PCGF5: variants seen among roughly 807,000 people sequenced by gnomAD.
PCGF5 encodes polycomb group RING finger protein 5.
In PCGF5, 9 loss-of-function variants were observed where a neutral mutation model predicts 44.3. That is an observed-to-expected ratio of 0.20 (90% confidence interval 0.12 to 0.35). The LOEUF (loss-of-function observed/expected upper bound fraction) is 0.35. Ranked by LOEUF, PCGF5 falls within the 10% of genes least tolerant of loss-of-function variation. PCGF5 has a pLI of 1.00. For missense variants in PCGF5, 146 were observed against 305.3 expected (o/e 0.48, Z 3.89); for synonymous variants, 95 against 102.5 (o/e 0.93, Z 0.44).
chr10:91,247,529 A>C (rs186275469), intron 3 of PCGF5, among the ~76,000 whole-genome samples: 4 of 151,028 alleles, frequency 2.6e-5, no homozygotes, highest in African/African-American at 9.7e-5. Flanking sequence ...AGAAACCTCT[A>C]TGTGTTTGTA....
At chr10:91,181,593 C>T (rs963008881) in intron 1 of PCGF5, among the ~76,000 whole-genome samples, 1 of 152,142 alleles carries the variant, frequency 6.6e-6, no homozygotes, top group African/African-American at 2.4e-5. Flanking sequence ...TATTGAAAGC[C>T]TTTTCTGCAT....
intron 1 of PCGF5, among the ~76,000 whole-genome samples, chr10:91,177,131 A>G (rs1843721207): frequency 6.6e-6 from 1 of 151,890 alleles, no homozygotes; most frequent in Non-Finnish European, 1.5e-5. Context: ...AACAGTCAGG[A>G]CCCTCAGCTG....
chr10:91,246,158 A>T (rs1374153129), intron 3 of PCGF5, among the ~76,000 whole-genome samples: 2 of 152,212 alleles, frequency 1.3e-5, no homozygotes. Flanking sequence ...GCATCAAAGT[A>T]GTAAGTAATG....
chr10:91,160,372 T>C (rs1470195772), upstream of PCGF5, among the ~76,000 whole-genome samples: 3 of 152,178 alleles, frequency 2.0e-5, no homozygotes, highest in African/African-American at 4.8e-5. Flanking sequence ...CCGTCAGCAG[T>C]GTTGTTGGTG....
chr10:91,158,035 G>C (rs1488979389), upstream of PCGF5, among the ~76,000 whole-genome samples: 4 of 152,202 alleles, frequency 2.6e-5, no homozygotes, highest in Non-Finnish European at 5.9e-5. Context: ...TACTTTTTAA[G>C]ATTAAGACAA....
At chr10:91,197,950 A>C (rs773421619) in intron 1 of PCGF5, among the ~76,000 whole-genome samples, 2 of 152,218 alleles carry the variant, frequency 1.3e-5, no homozygotes, top group Non-Finnish European at 2.9e-5. Context: ...CATTCAATAA[A>C]TATTGATTAT....
intron 1 of PCGF5, among the ~76,000 whole-genome samples, chr10:91,166,544 GT>G (rs200571872): frequency 2.0e-5 from 3 of 151,602 alleles, no homozygotes; most frequent in East Asian, 1.9e-4. Flanking sequence ...TATGCCTCCA[GT>G]TTTTTTTTAA....
intron 1 of PCGF5, among the ~76,000 whole-genome samples, chr10:91,172,748 A>C (rs1843632613): frequency 6.6e-6 from 1 of 152,224 alleles, no homozygotes; most frequent in Non-Finnish European, 1.5e-5. Flanking sequence ...ATCAACTAGA[A>C]GTGAATTAAA....
chr10:91,246,078 T>C (rs1845454240), intron 3 of PCGF5, among the ~76,000 whole-genome samples: 1 of 152,106 alleles, frequency 6.6e-6, no homozygotes, highest in South Asian at 2.1e-4. Flanking sequence ...CAAGGGTACA[T>C]GTAAGGAAGT....
upstream of PCGF5, among the ~76,000 whole-genome samples, chr10:91,159,963 A>G (rs977958216): frequency 2.0e-5 from 3 of 152,204 alleles, no homozygotes; most frequent in African/African-American, 7.2e-5. Context: ...TTTAAACACT[A>G]TGATTCTAAT....
chr10:91,206,879 A>G (rs7894606), intron 1 of PCGF5, among the ~76,000 whole-genome samples: 116,566 of 152,122 alleles, frequency 0.77, 47,638 homozygotes, highest in East Asian at 0.95. Flanking sequence ...ACCTAACTAA[A>G]TCCTTCTCTC....
intron 1 of PCGF5, among the ~76,000 whole-genome samples, chr10:91,212,907 T>A (rs1453714457): frequency 6.6e-6 from 1 of 152,238 alleles, no homozygotes; most frequent in African/African-American, 2.4e-5. Flanking sequence ...AGACTCATCT[T>A]CATGGTAGAA....
intron 1 of PCGF5, among the ~76,000 whole-genome samples, chr10:91,175,534 T>G (rs938066854): frequency 6.6e-6 from 1 of 151,960 alleles, no homozygotes; most frequent in African/African-American, 2.4e-5. Flanking sequence ...TCCTCCCTCT[T>G]CCCCCTACCC....
At chr10:91,182,354 T>C (rs1273876050) in intron 1 of PCGF5, among the ~76,000 whole-genome samples, 1 of 152,192 alleles carries the variant, frequency 6.6e-6, no homozygotes, top group Non-Finnish European at 1.5e-5. Context: ...ATAGAGGTGT[T>C]TATAATATTC....
chr10:91,219,903 C>T (rs1844621383), upstream of PCGF5, among the ~76,000 whole-genome samples: 2 of 152,004 alleles, frequency 1.3e-5, no homozygotes, highest in Admixed American at 6.6e-5. Flanking sequence ...AAGAAGTTAA[C>T]GCCTATCAGT....
upstream of PCGF5, among the ~76,000 whole-genome samples, chr10:91,219,912 GT>G (rs1431042768): frequency 1.3e-5 from 2 of 152,098 alleles, no homozygotes; most frequent in Non-Finnish European, 2.9e-5. Context: ...ACGCCTATCA[GT>G]TGGAGAAAAA....
At chr10:91,238,601 C>CTTTCTTTCTTTCTTTCTTT (rs1564644969) in intron 2 of PCGF5, among the ~76,000 whole-genome samples, 2 of 58,438 alleles carry the variant, frequency 3.4e-5, no homozygotes, top group African/African-American at 1.4e-4. Flanking sequence ...TTCTTTCTTT[C>CTTTCTTTCTTTCTTTCTTT]TTTTTTTTTT....
intron 7 of PCGF5, among the ~76,000 whole-genome samples, chr10:91,262,740 A>G (rs931087488): frequency 1.3e-5 from 2 of 152,216 alleles, no homozygotes; most frequent in Non-Finnish European, 2.9e-5. Flanking sequence ...TATTAGGAAA[A>G]AATTATGGAA....
At chr10:91,170,996 A>G (rs1317254347) in intron 1 of PCGF5, among the ~76,000 whole-genome samples, 1 of 152,214 alleles carries the variant, frequency 6.6e-6, no homozygotes, top group Non-Finnish European at 1.5e-5. Flanking sequence ...AATCTGAAAA[A>G]GCTTCATACT....
Sources: gnomAD v4.1 joint callset for allele counts (sites outside exome capture counted in the v4.1 genomes callset) on GRCh38, gnomAD v4.1.1 for gene constraint, MANE v1.5 for transcripts, NCBI Gene and HGNC (gene_info 2026-07-23, HGNC 2026-07-21) for gene names.